Variants in PHKB observed in about 807,000 individuals in gnomAD.
PHKB encodes phosphorylase kinase regulatory subunit beta, also known as phosphorylase b kinase regulatory subunit beta.
In PHKB, 122 loss-of-function variants were observed where a neutral mutation model predicts 152.1. That is an observed-to-expected ratio of 0.80 (90% CI 0.69 to 0.93). The LOEUF (loss-of-function observed/expected upper bound fraction) is 0.93. Ranked by LOEUF, PHKB falls within the 40% of genes least tolerant of loss-of-function variation. PHKB has a pLI of 0.00. For missense variants in PHKB, 1,304 were observed against 1,328.4 expected, an observed-to-expected ratio of 0.98 and a Z score of 0.29; for synonymous variants, 436 against 464.9, an observed-to-expected ratio of 0.94 and a Z score of 0.80.
At position 47,589,072 on chromosome 16, in the gene PHKB, C is replaced by T. The variant is rs779250480; in HGVS notation, c.1038C>T (p.Asn346=). The stretch of plus-strand genomic sequence containing the variant: ...ATAGAACATCATTGGAAGATCCCAA[C>T]AGATGCTACTACAAGCCAGCTGAAA... ...DGYRTSLEDP[N]RCYYKPAEIK... The change falls in exon 10 of 31, where the codon AAC becomes AAT. Residue 346 remains asparagine (N), a synonymous_variant. Coordinates refer to ENST00000323584, the MANE Select transcript of PHKB (RefSeq NM_000293.3). The T allele has an allele frequency of 1.2e-6, 2 of 1,612,758 alleles. No individual in the cohort carries two copies. The highest frequency in any genetic ancestry group is 1.7e-6 in the Non-Finnish European group (2 of 1,178,956).
chr16:47,484,396 A>G (rs1970015772), intron 1 of PHKB, among the ~76,000 whole-genome samples: 1 of 152,162 alleles, frequency 6.6e-6, no homozygotes, highest in Non-Finnish European at 1.5e-5. Flanking sequence ...GCTATCCATC[A>G]TGGAGAAACG....
intron 20 of PHKB, among the ~76,000 whole-genome samples, chr16:47,659,089 A>T (rs906897472): frequency 6.6e-6 from 1 of 152,218 alleles, no homozygotes; most frequent in Non-Finnish European, 1.5e-5. Flanking sequence ...CTCTTAGGGA[A>T]CTTACTGTTC....
At chr16:47,534,360 A>G (rs1970916059) in intron 6 of PHKB, among the ~76,000 whole-genome samples, 1 of 152,230 alleles carries the variant, frequency 6.6e-6, no homozygotes, top group Non-Finnish European at 1.5e-5. Context: ...AGTCTTGTCC[A>G]GTTACTTCAA....
At chr16:47,695,837 G>C (rs1160203228) in intron 28 of PHKB, among the ~76,000 whole-genome samples, 1 of 152,172 alleles carries the variant, frequency 6.6e-6, no homozygotes, top group African/African-American at 2.4e-5. Context: ...CAGTATTCTT[G>C]TTTTAAATGA....
intron 1 of PHKB, among the ~76,000 whole-genome samples, chr16:47,478,035 C>T (rs546132483): frequency 3.9e-5 from 6 of 152,166 alleles, no homozygotes; most frequent in African/African-American, 1.2e-4. Flanking sequence ...TAAATCTTGC[C>T]ATCTAGAGTA....
At chr16:47,552,938 C>A (rs1350175734) in intron 7 of PHKB, among the ~76,000 whole-genome samples, 1 of 152,074 alleles carries the variant, frequency 6.6e-6, no homozygotes, top group Non-Finnish European at 1.5e-5. Context: ...TGTGGGTAAC[C>A]CAACCTTTCT....
chr16:47,565,142 T>C (rs1207047340), intron 7 of PHKB: 1 of 540,430 alleles, frequency 1.9e-6, no homozygotes, highest in African/African-American at 1.9e-5. Flanking sequence ...AGCAGCATAC[T>C]TGCTTGCAGA....
At chr16:47,535,548 CAT>C (rs1340779927) in intron 6 of PHKB, among the ~76,000 whole-genome samples, 2 of 152,110 alleles carry the variant, frequency 1.3e-5, no homozygotes, top group Non-Finnish European at 2.9e-5. Context: ...TTTTTAGTAA[CAT>C]ATGGAGAGAG....
At chr16:47,665,943 T>C in intron 25 of PHKB, 10 of 1,612,532 alleles carry the variant, frequency 6.2e-6, no homozygotes, top group Non-Finnish European at 7.6e-6. Context: ...TGCCCCCAGG[T>C]CGGTTGTACG....
chr16:47,530,481 G>A (rs1400257093), intron 6 of PHKB, among the ~76,000 whole-genome samples: 1 of 152,132 alleles, frequency 6.6e-6, no homozygotes, highest in Non-Finnish European at 1.5e-5. Context: ...TTGTACAGGT[G>A]ACCTAGCCAA....
At chr16:47,465,493 A>T (rs1969652451) in intron 1 of PHKB, among the ~76,000 whole-genome samples, 1 of 152,218 alleles carries the variant, frequency 6.6e-6, no homozygotes, top group African/African-American at 2.4e-5. Flanking sequence ...AATAGAATGC[A>T]CCAAGAAACA....
At chr16:47,538,653 G>T (rs1196143957) in intron 6 of PHKB, among the ~76,000 whole-genome samples, 1 of 152,172 alleles carries the variant, frequency 6.6e-6, no homozygotes, top group Admixed American at 6.5e-5. Flanking sequence ...GAGATAACCT[G>T]GGTAGACTTA....
intron 8 of PHKB, among the ~76,000 whole-genome samples, chr16:47,582,458 A>G (rs949994687): frequency 6.6e-6 from 1 of 152,228 alleles, no homozygotes; most frequent in Non-Finnish European, 1.5e-5. Flanking sequence ...ATTCTGAGTT[A>G]TAACTGTATT....
chr16:47,609,447 G>C (rs1360734420), intron 13 of PHKB, among the ~76,000 whole-genome samples: 6 of 123,154 alleles, frequency 4.9e-5, no homozygotes, highest in Non-Finnish European at 6.8e-5. Context: ...GGGTGGGGGG[G>C]GGGCACAGTT....
At chr16:47,642,348 G>T (rs902571411) in intron 16 of PHKB, among the ~76,000 whole-genome samples, 15 of 152,124 alleles carry the variant, frequency 9.9e-5, no homozygotes, top group African/African-American at 3.6e-4. Flanking sequence ...GAATTAAAAG[G>T]TGACATTTGA....
chr16:47,473,963 C>A (rs1969825253), intron 1 of PHKB, among the ~76,000 whole-genome samples: 1 of 152,144 alleles, frequency 6.6e-6, no homozygotes. Flanking sequence ...GTCACTGAAG[C>A]TTTTGCCTCC....
intron 26 of PHKB, among the ~76,000 whole-genome samples, chr16:47,677,744 CTTAG>C (rs1184739158): frequency 6.6e-6 from 1 of 151,830 alleles, no homozygotes; most frequent in African/African-American, 2.4e-5. Flanking sequence ...TAGAATATGG[CTTAG>C]TTAAATGCAC....
chr16:47,647,652 C>T (rs1368019643), intron 16 of PHKB, among the ~76,000 whole-genome samples: 1 of 152,046 alleles, frequency 6.6e-6, no homozygotes, highest in African/African-American at 2.4e-5. Context: ...CACCCGCCAC[C>T]ACGCCTGGCT....
intron 6 of PHKB, among the ~76,000 whole-genome samples, chr16:47,519,950 A>G (rs762382526): frequency 2.6e-5 from 4 of 151,930 alleles, no homozygotes; most frequent in African/African-American, 4.8e-5. Flanking sequence ...TTTTGTGTAC[A>G]TGTTTTGTGT....
Sources: gnomAD v4.1 joint callset for allele counts (sites outside exome capture counted in the v4.1 genomes callset) on GRCh38, gnomAD v4.1.1 for gene constraint, MANE v1.5 for transcripts, NCBI Gene and HGNC (gene_info 2026-07-23, HGNC 2026-07-21) for gene names.